CASP9: variants seen among roughly 807,000 people sequenced by gnomAD.
CASP9 encodes the protein caspase-9.
In CASP9, 29 loss-of-function variants were observed where a neutral mutation model predicts 43.5. That is an observed-to-expected ratio of 0.67 (90% CI 0.50 to 0.91). The LOEUF (loss-of-function observed/expected upper bound fraction) is 0.91. CASP9 is among the 40% of genes least tolerant of loss of function. The pLI is 0.00. For synonymous variants in CASP9, 206 were observed against 211.9 expected (o/e 0.97, Z 0.24); for missense variants, 575 against 537.4 (o/e 1.07, Z -0.69).
intron 6 of CASP9, among the ~76,000 whole-genome samples, chr1:15,502,041 C>T (rs1305402152): frequency 6.6e-6 from 1 of 152,214 alleles, no homozygotes; most frequent in Admixed American, 6.5e-5. Context: ...TGAACCACCA[C>T]AGATGCTTTT....
intron 6 of CASP9, 70 bp downstream of exon 6, chr1:15,504,531 AGGGGCAGGCT>A (rs1364619861): frequency 6.9e-7 from 1 of 1,452,932 alleles, no homozygotes; most frequent in Non-Finnish European, 9.3e-7. Context: ...GGGCCCTGTG[AGGGGCAGGCT>A]GGAGAAAGAA....
chr1:15,510,278 T>A (rs1276325962), intron 2 of CASP9, among the ~76,000 whole-genome samples: 1 of 152,204 alleles, frequency 6.6e-6, no homozygotes, highest in Non-Finnish European at 1.5e-5. Flanking sequence ...CACCTCCAAG[T>A]TGCAGTGGAG....
intron 1 of CASP9, 39 bp downstream of exon 1, chr1:15,524,030 C>A: frequency 7.1e-7 from 1 of 1,415,660 alleles, no homozygotes; most frequent in Non-Finnish European, 9.4e-7. Context: ...GCGTGGGGAC[C>A]CGGCCGTGCA....
At chr1:15,523,637 G>A (rs1286736252) in intron 1 of CASP9, among the ~76,000 whole-genome samples, 1 of 151,562 alleles carries the variant, frequency 6.6e-6, no homozygotes, top group South Asian at 2.1e-4. Flanking sequence ...TAAAACTTAA[G>A]ACCAGCCAAA....
At chr1:15,517,106 A>G (rs1709980277) in intron 2 of CASP9, among the ~76,000 whole-genome samples, 1 of 152,210 alleles carries the variant, frequency 6.6e-6, no homozygotes, top group East Asian at 1.9e-4. Flanking sequence ...GGTCCACCAG[A>G]CACCCATGAA....
In CASP9 at chr1:15,518,276, C is replaced by A; in HGVS notation, c.252G>T (p.Met84Ile). 1 of 1,614,226 alleles carries A rather than the reference C, an allele frequency of 6.2e-7. No homozygotes were observed. The highest frequency in any genetic ancestry group is 8.5e-7 in the Non-Finnish European group (1 of 1,180,046). Residue 84 changes from methionine (M) to isoleucine (I), a missense_variant, in exon 2 of 9, where the codon ATG becomes ATT. By Grantham distance (10) the Met-to-Ile change is conservative. Coordinates refer to ENST00000333868, the MANE Select transcript of CASP9 (RefSeq NM_001229.5). ...TGTTAGTTCGCAGAAACGAAGCCAG[C>A]ATGTCCTGGCCTGTGTCCTCTAAGC... The part of the protein sequence containing the change: ...ISCLEDTGQD[M>I]LASFLRTNRQ...
intron 6 of CASP9, among the ~76,000 whole-genome samples, chr1:15,502,983 G>A (rs932698162): frequency 6.6e-6 from 1 of 152,260 alleles, no homozygotes; most frequent in Non-Finnish European, 1.5e-5. Flanking sequence ...AGCGGGGTGG[G>A]GGACTCTTAT....
At chr1:15,501,605 G>C (rs1002029603) in intron 6 of CASP9, among the ~76,000 whole-genome samples, 2 of 152,160 alleles carry the variant, frequency 1.3e-5, no homozygotes, top group Non-Finnish European at 2.9e-5. Flanking sequence ...TGGTAACTGC[G>C]TTAAGCACCA....
Position 15,495,265 on chromosome 1 carries a change from G to A in CASP9, c.1048+8C>T. ...GGCTGCGAGGACGAGCCCTTCTGAT[G>A]TGCTCACCTGGGAAAGTAGAGTAGG... On this transcript the variant is annotated splice_region_variant and intron_variant, in intron 7 of 8. Transcript: ENST00000333868. 1 of 1,608,192 alleles carries A rather than the reference G, an allele frequency of 6.2e-7. No individual in the cohort carries two copies.
chr1:15,523,278 G>C (rs748151286), intron 1 of CASP9, among the ~76,000 whole-genome samples: 5 of 152,320 alleles, frequency 3.3e-5, no homozygotes, highest in Non-Finnish European at 7.4e-5. Flanking sequence ...TAGCACTACA[G>C]TTTCACATCC....
At chr1:15,505,562 G>A (rs1709485239) in intron 5 of CASP9, among the ~76,000 whole-genome samples, 2 of 152,198 alleles carry the variant, frequency 1.3e-5, no homozygotes, top group South Asian at 4.1e-4. Flanking sequence ...TAAGGGGTAA[G>A]GGCTTAATCA....
chr1:15,524,068 C>A lies in CASP9; in HGVS notation c.132+1G>T. On this transcript the variant is annotated splice_donor_variant, in intron 1 of 8. Transcript: ENST00000333868. LOFTEE classifies it high-confidence loss of function. ...GCGGGGACAGGGGGCCGGGGGCGCA[C>A]CTGGATGTCCTCGATCATATGGGGC... The A allele has an allele frequency of 2.1e-6, 3 of 1,455,912 alleles. No individual in the cohort carries two copies. Among genetic ancestry groups the A allele is most frequent in the South Asian group, 1.3e-5 (1 of 79,914 alleles). 90.2% of individuals were successfully genotyped at this position (1,455,912 alleles called of 1,614,324 possible).
chr1:15,519,615 T>C (rs761634155), intron 1 of CASP9, among the ~76,000 whole-genome samples: 6 of 151,818 alleles, frequency 4.0e-5, no homozygotes, highest in Non-Finnish European at 7.4e-5. Flanking sequence ...GCAGCTAGAA[T>C]AGAGAGAAGT....
intron 1 of CASP9, among the ~76,000 whole-genome samples, chr1:15,521,832 C>T (rs764611530): frequency 3.3e-5 from 5 of 152,140 alleles, no homozygotes; most frequent in South Asian, 2.1e-4. Flanking sequence ...TCTCCGCACA[C>T]GAGGAGAAAA....
chr1:15,503,022 G>A (rs542661036), intron 6 of CASP9, among the ~76,000 whole-genome samples: 8 of 152,152 alleles, frequency 5.3e-5, no homozygotes, highest in South Asian at 4.2e-4. Context: ...GGGTGGGAGC[G>A]GGGGGCAGGC....
At chr1:15,520,579 G>A (rs10754896) in intron 1 of CASP9, among the ~76,000 whole-genome samples, 46,497 of 152,152 alleles carry the variant, frequency 0.31, 7,520 homozygotes, top group East Asian at 0.58. Context: ...TGTCAGGCCC[G>A]CATAAGGGCC....
In CASP9 at chr1:15,524,193, T is replaced by A; in HGVS notation, c.8A>T (p.Glu3Val). 2 of 1,545,776 alleles carry A rather than the reference T, an allele frequency of 1.3e-6. No homozygotes were observed. The highest frequency in any genetic ancestry group is 1.7e-6 in the Non-Finnish European group (2 of 1,150,390). The change falls in exon 1 of 9, where the codon GAA becomes GTA. Residue 3 changes from glutamate to valine, a missense_variant. By Grantham distance (121) the Glu-to-Val change is moderately radical. Transcript: ENST00000333868. Reference protein sequence around the residue: MDEADRRLLRRCR... With the variant: MDVADRRLLRRCR... ...CCGCCGCAGGAGCCGCCGATCCGCT[T>A]CGTCCATGGCGAGTAGCCAACTAAG... is the stretch of plus-strand genomic sequence containing the variant.
At chr1:15,522,069 A>G (rs182229666) in intron 1 of CASP9, among the ~76,000 whole-genome samples, 10 of 152,312 alleles carry the variant, frequency 6.6e-5, no homozygotes, top group Non-Finnish European at 1.5e-5. Context: ...CCAGGAGGTC[A>G]ACACTGTGTT....
At chr1:15,494,034 G>A (rs1709000800) in intron 7 of CASP9, 33 bp from the exon 8 acceptor site, 3 of 1,549,640 alleles carry the variant, frequency 1.9e-6, no homozygotes, top group Middle Eastern at 1.7e-4. Flanking sequence ...CACTGCTGGA[G>A]AGCCACCCCT....
Sources: gnomAD v4.1 joint callset for allele counts (sites outside exome capture counted in the v4.1 genomes callset) on GRCh38, gnomAD v4.1.1 for gene constraint, MANE v1.5 for transcripts, NCBI Gene and HGNC (gene_info 2026-07-23, HGNC 2026-07-21) for gene names.